LPA: variants seen among roughly 807,000 people sequenced by gnomAD.
The protein encoded by LPA is lipoprotein(a).
In LPA, 199 loss-of-function variants were observed where a neutral mutation model predicts 197.9. That is an observed-to-expected ratio of 1.01 (90% CI 0.90 to 1.13). LPA has a LOEUF of 1.13. Ranked by LOEUF, LPA falls within the 50% of genes most tolerant of loss-of-function variation. The probability of loss-of-function intolerance (pLI) is 0.00; values close to 1 mark genes in which losing one functional copy is unlikely to be tolerated. For synonymous variants in LPA, 715 were observed against 639.5 expected (o/e 1.12, Z -1.78); for missense variants, 1,853 against 1,785.8 (o/e 1.04, Z -0.68).
chr6:160,563,179 T>C (rs950601873), intron 28 of LPA, among the ~76,000 whole-genome samples: 2 of 152,222 alleles, frequency 1.3e-5, no homozygotes, highest in Admixed American at 6.5e-5. Flanking sequence ...TTTTAGATCT[T>C]TCCCGCTTTC....
At chr6:160,582,206 C>T (rs1445455835) in intron 26 of LPA, among the ~76,000 whole-genome samples, 2 of 151,386 alleles carry the variant, frequency 1.3e-5, no homozygotes, top group Non-Finnish European at 2.9e-5. Context: ...TTGTTTCTGA[C>T]TTGATCTTTT....
At position 160,576,371 on chromosome 6, in the gene LPA, T is replaced by C. The variant is rs866030776; in HGVS notation, c.4631+765A>G. ...ATATATATATATATATATATACATATATATATATATATATATATGTATATA... is the reference window on the plus strand; with the variant it reads ...ATATATATATATATATATATACATACATATATATATATATATATGTATATA... On this transcript the variant is annotated intron_variant, in intron 28 of 38. Transcript: ENST00000316300. Among the ~76,000 whole-genome samples the C allele has an allele frequency of 1.9e-3, 69 of 35,948 alleles. 1 individual carries two copies. In the East Asian group the frequency reaches 0.044, roughly 23 times the overall value. The allele number at this position is 35,948 out of a possible 152,430, so 23.6% of individuals were successfully genotyped here.
At chr6:160,546,962 T>C (rs777200224) in intron 32 of LPA, among the ~76,000 whole-genome samples, 3 of 152,128 alleles carry the variant, frequency 2.0e-5, no homozygotes, top group Non-Finnish European at 2.9e-5. Context: ...TTAAGCCTCA[T>C]AGAGGGCATC....
chr6:160,540,349 G>A (rs1777962010), intron 35 of LPA, among the ~76,000 whole-genome samples, 166 bp from the exon 36 acceptor site: 1 of 152,172 alleles, frequency 6.6e-6, no homozygotes, highest in Non-Finnish European at 1.5e-5. Context: ...TGACAGTTAA[G>A]GTCTGTTCTC....
At position 160,594,101 on chromosome 6, in the gene LPA, G is replaced by A; in HGVS notation, c.3486C>T (p.Ser1162=). Residue 1162 remains serine (S), a synonymous_variant, in exon 22 of 39, where the codon AGC becomes AGT. Coordinates refer to ENST00000316300, the MANE Select transcript of LPA (RefSeq NM_005577.4). ...ASSEEAPTEQ[S]PGVQDCYHGD... is the part of the protein sequence containing the mutation. ...CATGGTAGCAATCCTGGACCCCGGGGCTTTGCTCCGTTGGTGCTGAAATTC... is the reference window on the plus strand; with the variant it reads ...CATGGTAGCAATCCTGGACCCCGGGACTTTGCTCCGTTGGTGCTGAAATTC... 6.2e-7 allele frequency: 1 copy of A among 1,613,894 alleles called. No individual in the cohort carries two copies. Among genetic ancestry groups the A allele is most frequent in the East Asian group, 2.2e-5 (1 of 44,860 alleles).
chr6:160,634,938 A>C lies in LPA; in HGVS notation c.1075+185T>G, dbSNP rs1779779498. ...CCCATTCTAAAGACAAAGCCCACCC[A>C]AGTTGCACCAGAAATCACTCCGCTG... On this transcript the variant is annotated intron_variant, in intron 7 of 38. Transcript: ENST00000316300. Among the ~76,000 whole-genome samples, 2 of 150,146 alleles carry C rather than the reference A, an allele frequency of 1.3e-5. 1 individual carries two copies. Among genetic ancestry groups the C allele is most frequent in the African/African-American group, 5.1e-5 (2 of 39,482 alleles).
chr6:160,555,436 C>CATATATATATATATAT (rs770158265), intron 30 of LPA, among the ~76,000 whole-genome samples: 2,838 of 121,576 alleles, frequency 0.023, 32 homozygotes, highest in Non-Finnish European at 0.027. Context: ...TTCCCTAGAA[C>CATATATATATATATAT]ATATATATAT....
At chr6:160,576,690 G>GTGTATATATA (rs869225354) in intron 28 of LPA, among the ~76,000 whole-genome samples, 124 of 76,590 alleles carry the variant, frequency 1.6e-3, no homozygotes, top group South Asian at 6.3e-3. Flanking sequence ...GTGTGTGTGT[G>GTGTATATATA]TATATATATA....
intron 20 of LPA, among the ~76,000 whole-genome samples, chr6:160,598,010 G>A (rs932457974): frequency 6.6e-6 from 1 of 152,270 alleles, no homozygotes; most frequent in Admixed American, 6.5e-5. Flanking sequence ...TTTTTCTGGA[G>A]CTGCCTTTAT....
In LPA at chr6:160,583,800, A is replaced by T. The variant is rs74404410; in HGVS notation, c.4289+1246T>A. ...CAGTCTCTCTCCCCAGTTTAGCAAG[A>T]CTGCTGTGGAATGCTTTGGTTAAAA... On this transcript the variant is annotated intron_variant, in intron 26 of 38. Transcript: ENST00000316300. 2.6e-3 allele frequency among the ~76,000 whole-genome samples: 393 copies of T among 152,244 alleles called. 19 individuals are homozygous for T. The East Asian group carries it at 0.066, about 25-fold the overall frequency.
intron 28 of LPA, among the ~76,000 whole-genome samples, chr6:160,566,363 A>C (rs1034112260): frequency 6.6e-6 from 1 of 152,234 alleles, no homozygotes; most frequent in Admixed American, 6.5e-5. Flanking sequence ...AAGAATTTTC[A>C]ACTGAGAATA....
chr6:160,572,577 A>G (rs1052960177), intron 28 of LPA, among the ~76,000 whole-genome samples: 1 of 152,058 alleles, frequency 6.6e-6, no homozygotes, highest in African/African-American at 2.4e-5. Flanking sequence ...AGCTCCTTTT[A>G]GCAGTTCTTC....
chr6:160,533,262 C>T (rs1393538435), intron 37 of LPA, among the ~76,000 whole-genome samples: 1 of 152,090 alleles, frequency 6.6e-6, no homozygotes, highest in Non-Finnish European at 1.5e-5. Context: ...AATAGTAACT[C>T]TATGTTGTAT....
intron 24 of LPA, among the ~76,000 whole-genome samples, chr6:160,588,581 T>A (rs913431842): frequency 6.6e-6 from 1 of 152,228 alleles, no homozygotes. Flanking sequence ...AAACTCTCCC[T>A]GTGCATACGC....
At chr6:160,552,536 G>C (rs1778182761) in intron 30 of LPA, among the ~76,000 whole-genome samples, 1 of 152,150 alleles carries the variant, frequency 6.6e-6, no homozygotes, top group Non-Finnish European at 1.5e-5. Flanking sequence ...TTTTCCAAAG[G>C]ATCATAGCAT....
At chr6:160,581,946 T>A (rs894478714) in intron 26 of LPA, among the ~76,000 whole-genome samples, 1 of 152,180 alleles carries the variant, frequency 6.6e-6, no homozygotes, top group Admixed American at 6.5e-5. Flanking sequence ...AGTTTTTTTG[T>A]TTTGATAGTA....
intron 28 of LPA, among the ~76,000 whole-genome samples, chr6:160,576,261 C>T (rs1198290762): frequency 6.7e-6 from 1 of 148,844 alleles, no homozygotes; most frequent in Non-Finnish European, 1.5e-5. Flanking sequence ...CAAGTCCTGG[C>T]AACACATGTC....
chr6:160,593,458 G>A (rs752256424), intron 22 of LPA, among the ~76,000 whole-genome samples: 25 of 152,116 alleles, frequency 1.6e-4, no homozygotes, highest in Admixed American at 3.9e-4. Flanking sequence ...CCCCTCATGT[G>A]CTGGCAACAC....
Position 160,599,639 on chromosome 6 carries a change from C to T in LPA, c.3148G>A (p.Gly1050Arg), listed in dbSNP as rs915324124. The change falls in exon 20 of 39, where the codon GGG becomes AGG. Residue 1050 changes from glycine (G) to arginine (R), a missense_variant. Gly to Arg is a moderately radical substitution (Grantham distance 125). Around this residue, in one of 3 missense-constraint regions of LPA, gnomAD observed 1,737 missense variants for 1,504.4 expected, o/e 1.15. Coordinates refer to ENST00000316300, the MANE Select transcript of LPA (RefSeq NM_005577.4). ...TAATGGTAGTAGCAGTCCTGTACCC[C>T]GGGGGTTTCCTCAGTCAGTGCTGAA... ...FEQALTEETP[G>R]VQDCYYHYGQ... 34 of 1,613,876 alleles carry T rather than the reference C, an allele frequency of 2.1e-5. No individual in the cohort carries two copies. Among genetic ancestry groups the T allele is most frequent in the Non-Finnish European group, 2.6e-5 (31 of 1,179,956 alleles).
Sources: allele counts gnomAD v4.1 joint callset (sites outside exome capture counted in the v4.1 genomes callset), GRCh38; gene constraint gnomAD v4.1.1; regional missense constraint gnomAD v4.1.1; transcripts MANE v1.5; gene names NCBI Gene and HGNC (gene_info 2026-07-23, HGNC 2026-07-21).